PCDHGA4: variants seen among roughly 807,000 people sequenced by gnomAD.
PCDHGA4 encodes the protein protocadherin gamma-A4.
In PCDHGA4, 38 loss-of-function variants were observed where a neutral mutation model predicts 54.6. The ratio of observed to expected loss-of-function variants is 0.70; its 90% CI spans 0.54 to 0.91. The LOEUF (loss-of-function observed/expected upper bound fraction) is 0.91, where lower values mean the gene tolerates loss of function less well. Among genes scored for constraint, PCDHGA4 ranks in the 40% least tolerant of loss-of-function variants. The pLI, the probability that PCDHGA4 is intolerant of heterozygous loss-of-function variation, is 0.00. For missense variants in PCDHGA4, 1,298 were observed against 1,220.9 expected, an observed-to-expected ratio of 1.06 and a Z score of -0.94; for synonymous variants, 511 against 512.9, an observed-to-expected ratio of 1.00 and a Z score of 0.05.
At chr5:141,472,980 C>CAAAAAAAAAAAAAAAAGAAAA (rs2099308501) in intron 1 of PCDHGA4, among the ~76,000 whole-genome samples, 1 of 86,106 alleles carries the variant, frequency 1.2e-5, no homozygotes, top group Non-Finnish European at 2.5e-5. Context: ...GAGTGAAACT[C>CAAAAAAAAAAAAAAAAGAAAA]AAAAAAAAAA....
chr5:141,356,412 G>C lies in PCDHGA4; in HGVS notation c.1305G>C (p.Leu435Phe), dbSNP rs775827547. 1 of 1,600,348 alleles carries C rather than the reference G, an allele frequency of 6.2e-7. No homozygotes were observed. Among genetic ancestry groups the C allele is most frequent in the Non-Finnish European group, 8.5e-7 (1 of 1,172,524 alleles). The change falls in exon 1 of 4, where the codon TTG becomes TTC. Residue 435 changes from leucine (L) to phenylalanine (F), a missense_variant. Coordinates refer to ENST00000571252, the MANE Select transcript of PCDHGA4 (RefSeq NM_018917.4). The part of the protein sequence containing the change: ...LEKTYGNYYR[L>F]LTHRTLDREE... ...AGACCTATGGAAATTATTATCGGTT[G>C]TTGACACACAGAACACTGGACAGGG...
intron 1 of PCDHGA4, chr5:141,393,383 A>G: frequency 6.2e-7 from 1 of 1,614,000 alleles, no homozygotes; most frequent in Non-Finnish European, 8.5e-7. Flanking sequence ...ATGGAGCCAT[A>G]AACCCAGAGC....
intron 2 of PCDHGA4, 119 bp from the exon 3 acceptor site, chr5:141,505,274 C>T: frequency 6.6e-7 from 1 of 1,524,344 alleles, no homozygotes; most frequent in East Asian, 2.3e-5. Flanking sequence ...CTGAGAGAAA[C>T]AGGTCTTGGG....
intron 3 of PCDHGA4, among the ~76,000 whole-genome samples, chr5:141,507,590 T>C (rs531629336): frequency 1.3e-5 from 2 of 152,374 alleles, no homozygotes; most frequent in African/African-American, 4.8e-5. Context: ...AGTTGGCCTC[T>C]TGAGGGAAAT....
intron 1 of PCDHGA4, chr5:141,383,586 G>A (rs1483422462): frequency 6.2e-7 from 1 of 1,613,654 alleles, no homozygotes; most frequent in Admixed American, 1.7e-5. Flanking sequence ...CCCACATCCA[G>A]GTGACAGTGG....
At chr5:141,452,966 G>T (rs996204633) in intron 1 of PCDHGA4, among the ~76,000 whole-genome samples, 6 of 152,098 alleles carry the variant, frequency 3.9e-5, no homozygotes, top group Admixed American at 1.3e-4. Context: ...TAAACTGAGG[G>T]TATATTGTCA....
chr5:141,374,657 CCGGAGCTGGTGCTGG>C (rs780169875), intron 1 of PCDHGA4: 1 of 1,612,018 alleles, frequency 6.2e-7, no homozygotes, highest in Admixed American at 1.7e-5. Context: ...GCCCAAGTAC[CCGGAGCTGGTGCTGG>C]AGGGCACACT....
intron 1 of PCDHGA4, chr5:141,441,387 G>A (rs2098243952): frequency 6.5e-6 from 1 of 153,712 alleles, no homozygotes; most frequent in Non-Finnish European, 1.5e-5. Flanking sequence ...CAGACCCAAG[G>A]TATAACATCA....
intron 1 of PCDHGA4, among the ~76,000 whole-genome samples, chr5:141,372,993 T>G (rs977934205): frequency 1.3e-5 from 2 of 152,356 alleles, no homozygotes; most frequent in African/African-American, 4.8e-5. Context: ...TTGCAGTTGT[T>G]CTTTCATAGA....
At chr5:141,395,032 T>C (rs1561652708) in intron 1 of PCDHGA4, 1 of 1,614,068 alleles carries the variant, frequency 6.2e-7, no homozygotes. Context: ...GCCTCACATT[T>C]TGTGGGTGTT....
At chr5:141,446,288 G>C (rs1437669688) in intron 1 of PCDHGA4, among the ~76,000 whole-genome samples, 1 of 152,100 alleles carries the variant, frequency 6.6e-6, no homozygotes, top group Non-Finnish European at 1.5e-5. Flanking sequence ...GGATAAATGG[G>C]GAGCAGGGAT....
intron 1 of PCDHGA4, among the ~76,000 whole-genome samples, chr5:141,446,128 G>A (rs1242643475): frequency 3.3e-5 from 5 of 152,188 alleles, no homozygotes; most frequent in Non-Finnish European, 7.3e-5. Flanking sequence ...GGTTCAATAA[G>A]ACTTAATAAT....
chr5:141,497,736 G>A (rs1437670417), intron 2 of PCDHGA4, among the ~76,000 whole-genome samples: 6 of 151,962 alleles, frequency 3.9e-5, no homozygotes, highest in Admixed American at 1.3e-4. Flanking sequence ...GATGGGTTTC[G>A]CCACGTTGGC....
rs767983504 is a variant in PCDHGA4, at chr5:141,393,225, C to T, written c.2514+35604C>T. On this transcript the variant is annotated intron_variant, in intron 1 of 3. Coordinates refer to ENST00000571252, the MANE Select transcript of PCDHGA4 (RefSeq NM_018917.4). ...TAACCCAAAATTCCAGGTCGAAGATCTAGAAGTAAAAATTAACGAAATCGC... is the reference window on the plus strand; with the variant it reads ...TAACCCAAAATTCCAGGTCGAAGATTTAGAAGTAAAAATTAACGAAATCGC... 7 of 1,613,552 alleles carry T rather than the reference C, an allele frequency of 4.3e-6. No individual in the cohort carries two copies. The South Asian group carries it at 5.5e-5, about 13-fold the overall frequency.
intron 1 of PCDHGA4, among the ~76,000 whole-genome samples, chr5:141,453,679 T>C (rs960698192): frequency 2.0e-5 from 3 of 152,230 alleles, no homozygotes; most frequent in Non-Finnish European, 2.9e-5. Context: ...GGTAACACAC[T>C]ATGTAGGTAG....
intron 1 of PCDHGA4, chr5:141,416,848 G>A (rs2154546681): frequency 1.3e-5 from 2 of 152,166 alleles, no homozygotes; most frequent in East Asian, 3.9e-4. Flanking sequence ...ATAATTCCAT[G>A]ATTTTTTTCA....
At chr5:141,478,283 T>C (rs755297808) in intron 1 of PCDHGA4, 2 of 1,614,148 alleles carry the variant, frequency 1.2e-6, no homozygotes, top group South Asian at 2.2e-5. Context: ...GTGGAAGCAG[T>C]CTAGAGACCT....
In PCDHGA4 at chr5:141,462,600, A is replaced by G. The variant is rs2154567827; in HGVS notation, c.2515-32207A>G. ...ATCCAGTGAAGTTTCCATTTCATAT[A>G]TTGTATTTTTCACTTTTAGAAGTTC... is the stretch of plus-strand genomic sequence containing the variant. On this transcript the variant is annotated intron_variant, in intron 1 of 3. Coordinates refer to ENST00000571252, the MANE Select transcript of PCDHGA4 (RefSeq NM_018917.4). Among the ~76,000 whole-genome samples, 6 of 152,076 alleles carry G rather than the reference A, an allele frequency of 3.9e-5. No homozygotes were observed. In the Middle Eastern group the frequency reaches 0.014, roughly 345 times the overall value.
chr5:141,380,009 C>T lies in PCDHGA4; in HGVS notation c.2514+22388C>T, dbSNP rs529470373. Among the ~76,000 whole-genome samples the T allele has an allele frequency of 3.4e-5, 5 of 149,132 alleles. No individual in the cohort carries two copies. The South Asian group carries it at 8.7e-4, about 26-fold the overall frequency. ...CCTCCTCCTGGGTTCAAGCGATTCT[C>T]CTGCCTCAGCCTCCCAAGTAGCTGG... On this transcript the variant is annotated intron_variant, in intron 1 of 3. Transcript: ENST00000571252.
Sources: allele counts gnomAD v4.1 joint callset (sites outside exome capture counted in the v4.1 genomes callset), GRCh38; gene constraint gnomAD v4.1.1; transcripts MANE v1.5; gene names NCBI Gene and HGNC (gene_info 2026-07-23, HGNC 2026-07-21).